The following CAMK2D variants were observed in gnomAD, a reference collection of about 807,000 sequenced individuals.
The protein encoded by CAMK2D is calcium/calmodulin dependent protein kinase II delta, also known as calcium/calmodulin-dependent protein kinase type II subunit delta.
Under a neutral mutation model 84.0 loss-of-function variants are expected in CAMK2D, and 37 were observed. The observed-to-expected ratio is 0.44, with a 90% CI of 0.34 to 0.58. The LOEUF is 0.58. Among genes scored for constraint, CAMK2D ranks in the 20% least tolerant of loss-of-function variants. CAMK2D has a pLI of 0.02. For synonymous variants in CAMK2D, 202 were observed against 212.5 expected (o/e 0.95, Z 0.43); for missense variants, 448 against 652.5 (o/e 0.69, Z 3.41).
intron 2 of CAMK2D, chr4:113,753,642 T>C (rs767602515): frequency 8.4e-5 from 26 of 311,026 alleles, no homozygotes; most frequent in Non-Finnish European, 1.2e-4. Context: ...GCCTACGTCA[T>C]TTAAAATAAT....
chr4:113,456,868 C>T (rs2097309512), intron 19 of CAMK2D: 1 of 158,670 alleles, frequency 6.3e-6, no homozygotes, highest in African/African-American at 2.4e-5. Context: ...GTGAGAATGA[C>T]ATTGCACTAC....
chr4:113,462,369 TA>T (rs2097398316), intron 17 of CAMK2D, among the ~76,000 whole-genome samples: 2 of 151,626 alleles, frequency 1.3e-5, no homozygotes, highest in Non-Finnish European at 2.9e-5. Flanking sequence ...TCTATCTATC[TA>T]ATCATCCATC....
At chr4:113,678,079 C>T (rs78936740) in intron 2 of CAMK2D, among the ~76,000 whole-genome samples, 3,359 of 152,090 alleles carry the variant, frequency 0.022, 53 homozygotes, top group East Asian at 0.077. Flanking sequence ...AATCAGGCTG[C>T]CTACAAGTTA....
intron 3 of CAMK2D, among the ~76,000 whole-genome samples, chr4:113,611,135 T>C (rs2098998675): frequency 6.6e-6 from 1 of 152,020 alleles, no homozygotes; most frequent in Admixed American, 6.6e-5. Flanking sequence ...ATCACTTTAA[T>C]GGTGTGAAAG....
intron 16 of CAMK2D, among the ~76,000 whole-genome samples, chr4:113,492,475 G>T (rs2097857885): frequency 6.6e-6 from 1 of 152,194 alleles, no homozygotes; most frequent in Non-Finnish European, 1.5e-5. Flanking sequence ...TTAATCCTGA[G>T]ATCGAGTTTG....
chr4:113,598,453 G>T (rs1214452638), intron 4 of CAMK2D, among the ~76,000 whole-genome samples: 1 of 152,114 alleles, frequency 6.6e-6, no homozygotes, highest in Non-Finnish European at 1.5e-5. Flanking sequence ...AAACAAAGGA[G>T]AATATTTAGA....
intron 7 of CAMK2D, among the ~76,000 whole-genome samples, chr4:113,536,425 G>T (rs921436421): frequency 6.6e-6 from 1 of 152,142 alleles, no homozygotes; most frequent in African/African-American, 2.4e-5. Context: ...GTACATTAGG[G>T]ACTCAGAAAA....
intron 3 of CAMK2D, among the ~76,000 whole-genome samples, chr4:113,640,194 A>C (rs924037608): frequency 6.6e-6 from 1 of 152,128 alleles, no homozygotes; most frequent in African/African-American, 2.4e-5. Flanking sequence ...TATGATTACC[A>C]AAGTACCAGA....
In CAMK2D at chr4:113,517,472, A is replaced by G. The variant is rs992977063; in HGVS notation, c.696+91T>C. ...ATAATATGAGAAAGTGGTAAAAATT[A>G]TGGTTAAAAGAAAAATGAAAAGATC... is the stretch of plus-strand genomic sequence containing the variant. On this transcript the variant is annotated intron_variant, in intron 9 of 20. Coordinates refer to ENST00000511664, the MANE Select transcript of CAMK2D (RefSeq NM_001321571.2). 3.7e-5 allele frequency: 21 copies of G among 573,954 alleles called. No homozygotes were observed. In the East Asian group the frequency reaches 5.5e-4, roughly 15 times the overall value. 35.6% of individuals were successfully genotyped at this position (573,954 alleles called of 1,614,324 possible).
intron 3 of CAMK2D, among the ~76,000 whole-genome samples, chr4:113,626,896 T>C (rs945512736): frequency 2.0e-5 from 3 of 152,200 alleles, no homozygotes; most frequent in Admixed American, 1.3e-4. Flanking sequence ...TTTCGCGGTA[T>C]GATGAATCAG....
intron 3 of CAMK2D, among the ~76,000 whole-genome samples, chr4:113,643,030 T>C (rs963364627): frequency 6.6e-6 from 1 of 152,198 alleles, no homozygotes; most frequent in African/African-American, 2.4e-5. Context: ...TATTACCAAA[T>C]CATTTACAAA....
intron 6 of CAMK2D, among the ~76,000 whole-genome samples, chr4:113,545,071 A>G (rs1448772307): frequency 6.6e-6 from 1 of 152,186 alleles, no homozygotes; most frequent in East Asian, 1.9e-4. Context: ...TGTTATTCAA[A>G]TATTAATGAA....
chr4:113,590,621 C>CT (rs938383591), intron 4 of CAMK2D, among the ~76,000 whole-genome samples: 1 of 152,038 alleles, frequency 6.6e-6, no homozygotes, highest in Non-Finnish European at 1.5e-5. Flanking sequence ...ACTTTGAAAG[C>CT]TTTTTTTGAG....
chr4:113,598,628 A>C, intron 4 of CAMK2D, among the ~76,000 whole-genome samples: 1 of 152,208 alleles, frequency 6.6e-6, no homozygotes, highest in Non-Finnish European at 1.5e-5. Context: ...ATATATCCAA[A>C]ACACACACCG....
intron 4 of CAMK2D, among the ~76,000 whole-genome samples, chr4:113,574,702 T>C (rs755118439): frequency 2.0e-5 from 3 of 152,240 alleles, no homozygotes; most frequent in Non-Finnish European, 4.4e-5. Context: ...AGATTTTGAC[T>C]AAAGTGCTTC....
intron 16 of CAMK2D, among the ~76,000 whole-genome samples, chr4:113,492,594 G>GGTGCT (rs1325549423): frequency 1.3e-5 from 2 of 151,668 alleles, no homozygotes; most frequent in Non-Finnish European, 2.9e-5. Context: ...GGTGTGGTGT[G>GGTGCT]GTGCTGAAAA....
At chr4:113,598,289 A>G (rs2098936631) in intron 4 of CAMK2D, among the ~76,000 whole-genome samples, 1 of 152,178 alleles carries the variant, frequency 6.6e-6, no homozygotes, top group South Asian at 2.1e-4. Context: ...CACTGGAAAA[A>G]ACATTCTTTA....
At chr4:113,611,663 A>C (rs1355305930) in intron 3 of CAMK2D, among the ~76,000 whole-genome samples, 2 of 152,182 alleles carry the variant, frequency 1.3e-5, no homozygotes, top group Non-Finnish European at 1.5e-5. Context: ...ATTTCCATTC[A>C]CTTATTAATA....
At chr4:113,473,301 T>TACCA (rs1167702669) in intron 16 of CAMK2D, among the ~76,000 whole-genome samples, 15 of 152,350 alleles carry the variant, frequency 9.8e-5, no homozygotes, top group African/African-American at 3.4e-4. Context: ...AATTATGCTC[T>TACCA]TGGTAGTTTT....
Sources: allele counts gnomAD v4.1 joint callset (sites outside exome capture counted in the v4.1 genomes callset), GRCh38; gene constraint gnomAD v4.1.1; transcripts MANE v1.5; gene names NCBI Gene and HGNC (gene_info 2026-07-23, HGNC 2026-07-21).